Variants in FGF12 observed in about 807,000 individuals in gnomAD.
FGF12 encodes the protein fibroblast growth factor 12B.
In FGF12, 14 loss-of-function variants were observed where a neutral mutation model predicts 23.6. The ratio of observed to expected loss-of-function variants is 0.59; its 90% CI spans 0.39 to 0.93. The LOEUF (loss-of-function observed/expected upper bound fraction) is 0.93. Among genes scored for constraint, FGF12 ranks in the 40% least tolerant of loss-of-function variants. The probability of loss-of-function intolerance (pLI) is 0.00; values close to 1 mark genes in which losing one functional copy is unlikely to be tolerated. For synonymous variants in FGF12, 62 were observed against 77.3 expected (o/e 0.80, Z 1.04); for missense variants, 175 against 217.8 (o/e 0.80, Z 1.24).
intron 2 of FGF12, among the ~76,000 whole-genome samples, chr3:192,607,213 G>A (rs994962902): frequency 1.3e-5 from 2 of 152,148 alleles, no homozygotes; most frequent in Non-Finnish European, 2.9e-5. Flanking sequence ...CCCACATGAA[G>A]CTGCCACATC....
rs184180479 is a variant in FGF12 at position 192,500,743 on chromosome 3, A to G, written c.14-140205T>C. Among the ~76,000 whole-genome samples, 13 of 152,370 alleles carry G rather than the reference A, an allele frequency of 8.5e-5. No homozygotes were observed. The East Asian group carries it at 2.3e-3, about 27-fold the overall frequency. On this transcript the variant is annotated intron_variant, in intron 2 of 5. Transcript: ENST00000445105. Reference sequence around the variant, plus strand: ...ATAATAAATAACTACATTGTGCTTAATAAGTGCCAGGCACTATCCTAAGAG... The same window carrying G: ...ATAATAAATAACTACATTGTGCTTAGTAAGTGCCAGGCACTATCCTAAGAG...
intron 2 of FGF12, chr3:192,515,001 C>G (rs573931888): frequency 1.1e-5 from 3 of 275,046 alleles, no homozygotes; most frequent in Non-Finnish European, 1.7e-5. Flanking sequence ...TCGGTGGGCT[C>G]GAGCACGGCC....
At chr3:192,708,705 A>G (rs1718569728) in intron 2 of FGF12, among the ~76,000 whole-genome samples, 1 of 152,184 alleles carries the variant, frequency 6.6e-6, no homozygotes, top group African/African-American at 2.4e-5. Flanking sequence ...AATCAACACT[A>G]CAGGAGAGAT....
chr3:192,468,829 C>A (rs769810716), intron 2 of FGF12, among the ~76,000 whole-genome samples: 1 of 152,150 alleles, frequency 6.6e-6, no homozygotes, highest in Non-Finnish European at 1.5e-5. Context: ...TCATTATTAA[C>A]GTGGGGTTTG....
rs1224183255 is a variant in FGF12, at chr3:192,167,760, TATATATATAA to T, written c.427+2688_427+2697del. On this transcript the variant is annotated intron_variant, in intron 5 of 5. Coordinates refer to ENST00000445105, the MANE Select transcript of FGF12 (RefSeq NM_004113.6). The stretch of plus-strand genomic sequence containing the variant: ...ATATATATATATATATATATATATA[TATATATATAA>T]AATTTTTTTTTTTTTTTTTTTTTGA... Among the ~76,000 whole-genome samples, 30 of 31,878 alleles carry T rather than the reference TATATATATAA, an allele frequency of 9.4e-4. 2 individuals are homozygous for T. Among genetic ancestry groups the T allele is most frequent in the African/African-American group, 3.6e-3 (27 of 7,470 alleles). The allele number at this position is 31,878 out of a possible 152,430, so 20.9% of individuals were successfully genotyped here.
intron 2 of FGF12, among the ~76,000 whole-genome samples, chr3:192,555,257 A>G (rs1486089597): frequency 6.6e-6 from 1 of 152,224 alleles, no homozygotes; most frequent in Non-Finnish European, 1.5e-5. Flanking sequence ...CAAATTGTCA[A>G]AAGTCAGACA....
At chr3:192,189,440 G>A (rs754888527) in intron 4 of FGF12, among the ~76,000 whole-genome samples, 7 of 152,084 alleles carry the variant, frequency 4.6e-5, no homozygotes, top group African/African-American at 7.2e-5. Context: ...TCTCTTTGCC[G>A]TCTGTTACAA....
intron 4 of FGF12, among the ~76,000 whole-genome samples, chr3:192,276,029 T>A (rs1444947866): frequency 3.3e-5 from 5 of 152,186 alleles, no homozygotes; most frequent in African/African-American, 4.8e-5. Flanking sequence ...TGATAAGGGA[T>A]GGAATAACGT....
chr3:192,612,279 C>T (rs73203371), intron 2 of FGF12, among the ~76,000 whole-genome samples: 2,410 of 152,044 alleles, frequency 0.016, 24 homozygotes, highest in Non-Finnish European at 0.026. Flanking sequence ...ATTTTCTCCA[C>T]ATTTTTGCAC....
chr3:192,681,081 T>C (rs1424308681), intron 2 of FGF12, among the ~76,000 whole-genome samples: 2 of 152,220 alleles, frequency 1.3e-5, no homozygotes, highest in Non-Finnish European at 2.9e-5. Context: ...CAATACTGTT[T>C]CTGTCTATAA....
At chr3:192,418,569 G>A (rs1417434249) in intron 2 of FGF12, among the ~76,000 whole-genome samples, 4 of 152,096 alleles carry the variant, frequency 2.6e-5, no homozygotes, top group African/African-American at 4.8e-5. Flanking sequence ...ATCTGTGTCC[G>A]TGCCCAAATC....
intron 2 of FGF12, among the ~76,000 whole-genome samples, chr3:192,716,139 A>G (rs553055494): frequency 6.6e-6 from 1 of 152,358 alleles, no homozygotes; most frequent in Non-Finnish European, 1.5e-5. Flanking sequence ...CCTTCTGGGA[A>G]CTTGTAGAAA....
At chr3:192,434,401 G>A (rs903655860) in intron 2 of FGF12, among the ~76,000 whole-genome samples, 2 of 152,214 alleles carry the variant, frequency 1.3e-5, no homozygotes, top group Non-Finnish European at 2.9e-5. Flanking sequence ...AGCCAGTAAA[G>A]TGTACAGGTA....
Position 192,727,302 on chromosome 3 carries a change from T to G in FGF12, c.-109A>C, listed in dbSNP as rs1040757250. The G allele has an allele frequency of 3.9e-6, 6 of 1,551,504 alleles. No individual in the cohort carries two copies. Among genetic ancestry groups the G allele is most frequent in the Non-Finnish European group, 5.2e-6 (6 of 1,146,868 alleles). On this transcript the variant is annotated 5_prime_UTR_variant, in exon 2 of 6. Coordinates refer to ENST00000445105, the MANE Select transcript of FGF12 (RefSeq NM_004113.6). ...CCAATCTGATGATTTCGCCCGTACT[T>G]CCTTCCTTCCCCTCAGGCTTCCTGA... is the stretch of plus-strand genomic sequence containing the variant.
At chr3:192,312,884 G>A (rs1444486462) in intron 4 of FGF12, among the ~76,000 whole-genome samples, 1 of 152,036 alleles carries the variant, frequency 6.6e-6, no homozygotes, top group African/African-American at 2.4e-5. Context: ...CTTCTACCAT[G>A]ATTAAAGCAT....
intron 2 of FGF12, among the ~76,000 whole-genome samples, chr3:192,406,945 C>T (rs1209406197): frequency 1.3e-5 from 2 of 152,170 alleles, no homozygotes; most frequent in African/African-American, 4.8e-5. Flanking sequence ...CCTTTCCAGA[C>T]AGTATTTCCT....
chr3:192,582,169 T>C (rs1047579855), intron 2 of FGF12, among the ~76,000 whole-genome samples: 2 of 152,148 alleles, frequency 1.3e-5, no homozygotes, highest in African/African-American at 2.4e-5. Context: ...GCTTTAAAAA[T>C]AGTTTTAAAC....
At chr3:192,703,829 A>C (rs537210316) in intron 2 of FGF12, among the ~76,000 whole-genome samples, 1 of 152,268 alleles carries the variant, frequency 6.6e-6, no homozygotes, top group Non-Finnish European at 1.5e-5. Context: ...TAAGTGTTTG[A>C]CAGTTCCTCC....
At chr3:192,148,644 A>T (rs1193694707) in intron 5 of FGF12, among the ~76,000 whole-genome samples, 2 of 152,232 alleles carry the variant, frequency 1.3e-5, no homozygotes, top group African/African-American at 4.8e-5. Context: ...GCAAACAAAC[A>T]AACAACTTGT....
Sources: gnomAD v4.1 joint callset for allele counts (sites outside exome capture counted in the v4.1 genomes callset) on GRCh38, gnomAD v4.1.1 for gene constraint, MANE v1.5 for transcripts, NCBI Gene and HGNC (gene_info 2026-07-23, HGNC 2026-07-21) for gene names.